The following ACBD6 variants were observed in gnomAD, a reference collection of about 807,000 sequenced individuals.
The protein encoded by ACBD6 is acyl-CoA binding domain containing 6, also known as acyl-CoA-binding domain-containing protein 6.
ACBD6 carries 28 observed loss-of-function variants against 37.2 expected under a neutral mutation model. The observed-to-expected ratio is 0.75, with a 90% CI of 0.56 to 1.03. The LOEUF is 1.03. Among genes scored for constraint, ACBD6 ranks in the 50% least tolerant of loss-of-function variants. The pLI is 0.00. For missense variants in ACBD6, 340 were observed against 337.4 expected (o/e 1.01, Z -0.06); for synonymous variants, 113 against 126.8 (o/e 0.89, Z 0.73).
chr1:180,393,402 C>G (rs1035091365), intron 6 of ACBD6, among the ~76,000 whole-genome samples: 3 of 152,180 alleles, frequency 2.0e-5, no homozygotes, highest in African/African-American at 7.2e-5. Context: ...TGCTTCGTTT[C>G]AGACTAATGG....
At chr1:180,389,073 A>G (rs1653964420) in intron 6 of ACBD6, among the ~76,000 whole-genome samples, 1 of 152,082 alleles carries the variant, frequency 6.6e-6, no homozygotes, top group African/African-American at 2.4e-5. Flanking sequence ...TTTCATATGT[A>G]TACATGTGCC....
chr1:180,400,468 C>T (rs2101955447), intron 5 of ACBD6, among the ~76,000 whole-genome samples: 1 of 152,252 alleles, frequency 6.6e-6, no homozygotes, highest in Middle Eastern at 3.4e-3. Context: ...AAGATATCTA[C>T]ATTAAGACCA....
chr1:180,435,639 A>G (rs1296023781), intron 3 of ACBD6: 3 of 1,022,778 alleles, frequency 2.9e-6, no homozygotes, highest in Non-Finnish European at 3.1e-6. Context: ...CTTCACACTA[A>G]TATGAATGAC....
At chr1:180,302,939 G>A (rs2149284721) in intron 7 of ACBD6, among the ~76,000 whole-genome samples, 1 of 150,870 alleles carries the variant, frequency 6.6e-6, no homozygotes, top group Middle Eastern at 3.4e-3. Context: ...CTAGAACTCA[G>A]GATTAAGAAA....
chr1:180,277,822 A>G (rs192891529), intron 9 of ACBD6: 106 of 149,816 alleles, frequency 7.1e-4, no homozygotes, highest in African/African-American at 2.4e-3. Context: ...CATCAGGGAA[A>G]GAGGAAAAAA....
intron 4 of ACBD6, among the ~76,000 whole-genome samples, chr1:180,428,035 TG>T (rs1223685211): frequency 6.6e-6 from 1 of 152,122 alleles, no homozygotes; most frequent in African/African-American, 2.4e-5. Flanking sequence ...TATGATTAGT[TG>T]CTGTAATTTC....
chr1:180,445,064 C>T (rs1649427056), intron 3 of ACBD6, among the ~76,000 whole-genome samples: 1 of 152,080 alleles, frequency 6.6e-6, no homozygotes, highest in Non-Finnish European at 1.5e-5. Flanking sequence ...ACTTCTTTGC[C>T]TCAGTTTCCT....
chr1:180,483,249 T>A (rs1651126406), intron 3 of ACBD6, among the ~76,000 whole-genome samples: 1 of 152,136 alleles, frequency 6.6e-6, no homozygotes, highest in Non-Finnish European at 1.5e-5. Flanking sequence ...TTCTTTCACT[T>A]AATTTCAATC....
chr1:180,339,058 C>T lies in ACBD6; in HGVS notation c.664-24336G>A, dbSNP rs535872742. Among the ~76,000 whole-genome samples the T allele has an allele frequency of 2.3e-4, 35 of 152,218 alleles. No individual in the cohort carries two copies. In the East Asian group the frequency reaches 2.7e-3, roughly 12 times the overall value. ...AGGTGCTAGAGAGGATGTGGAGAAA[C>T]AGGAACACTTTTACACTGTTGGTGG... On this transcript the variant is annotated intron_variant, in intron 6 of 7. Coordinates refer to ENST00000367595, the MANE Select transcript of ACBD6 (RefSeq NM_032360.4).
At chr1:180,489,997 T>C (rs923032702) in intron 3 of ACBD6, among the ~76,000 whole-genome samples, 1 of 152,192 alleles carries the variant, frequency 6.6e-6, no homozygotes, top group Non-Finnish European at 1.5e-5. Flanking sequence ...AAAATTTTAC[T>C]AAAGTACTGA....
chr1:180,332,569 C>T (rs1651526313), intron 6 of ACBD6, among the ~76,000 whole-genome samples: 1 of 151,820 alleles, frequency 6.6e-6, no homozygotes, highest in Non-Finnish European at 1.5e-5. Context: ...TTGTATGCTC[C>T]TTATGAGAAT....
intron 6 of ACBD6, among the ~76,000 whole-genome samples, chr1:180,373,730 T>TA (rs887723798): frequency 5.3e-5 from 8 of 152,056 alleles, no homozygotes; most frequent in Non-Finnish European, 8.8e-5. Flanking sequence ...CTCCAGACAT[T>TA]AAAAAAAGTA....
At chr1:180,301,886 C>T (rs1479199501) in intron 7 of ACBD6, among the ~76,000 whole-genome samples, 2 of 152,130 alleles carry the variant, frequency 1.3e-5, no homozygotes, top group African/African-American at 2.4e-5. Flanking sequence ...AAAATTACTA[C>T]AGAACAGTAT....
intron 6 of ACBD6, among the ~76,000 whole-genome samples, chr1:180,390,060 G>GA (rs1199474290): frequency 6.6e-6 from 1 of 151,978 alleles, no homozygotes; most frequent in East Asian, 1.9e-4. Context: ...TGGTGTTTTA[G>GA]ACATGAAGTT....
At chr1:180,377,518 G>T (rs1653478758) in intron 6 of ACBD6, among the ~76,000 whole-genome samples, 1 of 152,166 alleles carries the variant, frequency 6.6e-6, no homozygotes, top group African/African-American at 2.4e-5. Flanking sequence ...CCTAGAATCG[G>T]GGGAAATAGC....
chr1:180,382,579 A>G (rs1188485588), intron 6 of ACBD6, among the ~76,000 whole-genome samples: 1 of 152,208 alleles, frequency 6.6e-6, no homozygotes, highest in Admixed American at 6.5e-5. Context: ...CTCAACAAAG[A>G]AAAGTCCAGG....
At chr1:180,485,312 G>A (rs1471697804) in intron 3 of ACBD6, among the ~76,000 whole-genome samples, 1 of 152,070 alleles carries the variant, frequency 6.6e-6, no homozygotes, top group Non-Finnish European at 1.5e-5. Flanking sequence ...GTTGAATTGT[G>A]ACCCCCAAAA....
At chr1:180,369,744 C>G (rs1180744376) in intron 6 of ACBD6, among the ~76,000 whole-genome samples, 2 of 152,174 alleles carry the variant, frequency 1.3e-5, no homozygotes, top group Admixed American at 6.5e-5. Flanking sequence ...ACTGTGGTCT[C>G]TAATGCATAA....
At chr1:180,450,523 C>T (rs1649660541) in intron 3 of ACBD6, among the ~76,000 whole-genome samples, 1 of 152,168 alleles carries the variant, frequency 6.6e-6, no homozygotes, top group African/African-American at 2.4e-5. Flanking sequence ...CTTTGGGAGG[C>T]CCAGGCAGGT....
Sources: allele counts gnomAD v4.1 joint callset (sites outside exome capture counted in the v4.1 genomes callset), GRCh38; gene constraint gnomAD v4.1.1; transcripts MANE v1.5; gene names NCBI Gene and HGNC (gene_info 2026-07-23, HGNC 2026-07-21).